SLC30A6: variants seen among roughly 807,000 people sequenced by gnomAD.
SLC30A6 encodes the protein zinc transporter 6.
SLC30A6 carries 55 observed loss-of-function variants against 63.0 expected under a neutral mutation model. The observed-to-expected ratio is 0.87, with a 90% CI of 0.70 to 1.09. The LOEUF is 1.09. Among genes scored for constraint, SLC30A6 ranks in the 50% least tolerant of loss-of-function variants. The probability of loss-of-function intolerance (pLI) is 0.00; values close to 1 mark genes in which losing one functional copy is unlikely to be tolerated. For synonymous variants in SLC30A6, 224 were observed against 186.1 expected, an observed-to-expected ratio of 1.20 and a Z score of -1.66; for missense variants, 587 against 549.2, an observed-to-expected ratio of 1.07 and a Z score of -0.69.
intron 4 of SLC30A6, among the ~76,000 whole-genome samples, chr2:32,178,711 A>G (rs1035306735): frequency 2.0e-5 from 3 of 152,162 alleles, no homozygotes; most frequent in Admixed American, 6.6e-5. Flanking sequence ...ACACCAGTTC[A>G]CTGTAACTGT....
chr2:32,219,693 C>T (rs1042815406), intron 13 of SLC30A6, among the ~76,000 whole-genome samples: 2 of 152,180 alleles, frequency 1.3e-5, no homozygotes, highest in African/African-American at 2.4e-5. Flanking sequence ...ACCTCGGCCT[C>T]CCAAAGTGCT....
intron 12 of SLC30A6, among the ~76,000 whole-genome samples, chr2:32,207,149 GA>G (rs1380743733): frequency 6.6e-6 from 1 of 152,074 alleles, no homozygotes; most frequent in Non-Finnish European, 1.5e-5. Context: ...AGTGAATGTG[GA>G]AGGTAATGGC....
intron 1 of SLC30A6, 83 bp downstream of exon 1, chr2:32,165,986 T>G: frequency 6.3e-7 from 1 of 1,597,890 alleles, no homozygotes; most frequent in African/African-American, 1.3e-5. Context: ...TTGAAATCCC[T>G]CAGCCACCCA....
rs542867916 is a variant in SLC30A6, at chr2:32,191,211, T to C, written c.285-1125T>C. On this transcript the variant is annotated intron_variant, in intron 5 of 13. Transcript: ENST00000282587. ...AAATAACATTGGTGCATTTGCATAC[T>C]GTTTTTTCCTGTTCTTTTTTATTTT... Among the ~76,000 whole-genome samples the C allele has an allele frequency of 1.3e-4, 20 of 152,368 alleles. No homozygotes were observed. In the South Asian group the frequency reaches 4.1e-3, roughly 32 times the overall value.
chr2:32,219,670 A>G (rs989248768), intron 13 of SLC30A6, among the ~76,000 whole-genome samples: 13 of 151,272 alleles, frequency 8.6e-5, no homozygotes, highest in African/African-American at 3.2e-4. Context: ...TCCTGACCTC[A>G]GGTAATCCAC....
intron 1 of SLC30A6, among the ~76,000 whole-genome samples, chr2:32,169,642 G>T (rs986368293): frequency 6.6e-6 from 1 of 152,178 alleles, no homozygotes; most frequent in African/African-American, 2.4e-5. Context: ...AGCCGGGCGT[G>T]GTGGTGGGTA....
At chr2:32,213,983 A>G (rs563129786) in intron 13 of SLC30A6, among the ~76,000 whole-genome samples, 116 of 152,068 alleles carry the variant, frequency 7.6e-4, no homozygotes, top group African/African-American at 2.6e-3. Flanking sequence ...TGATGTGTAG[A>G]TTCATCTCAC....
chr2:32,176,383 G>A (rs1681740286), intron 4 of SLC30A6, among the ~76,000 whole-genome samples: 1 of 152,090 alleles, frequency 6.6e-6, no homozygotes, highest in African/African-American at 2.4e-5. Context: ...ATTTGGCCAG[G>A]CTTAGTGGCT....
At chr2:32,181,148 T>C (rs968895526) in intron 4 of SLC30A6, among the ~76,000 whole-genome samples, 1 of 152,226 alleles carries the variant, frequency 6.6e-6, no homozygotes, top group African/African-American at 2.4e-5. Flanking sequence ...GAAATTAAAA[T>C]GATTTACACA....
chr2:32,196,412 C>A (rs1424979413), intron 8 of SLC30A6, among the ~76,000 whole-genome samples: 1 of 152,090 alleles, frequency 6.6e-6, no homozygotes, highest in African/African-American at 2.4e-5. Context: ...CTGCTAAATA[C>A]TTTACATAGA....
In SLC30A6 at chr2:32,204,606, G is replaced by T; in HGVS notation, c.682G>T (p.Asp228Tyr). The change falls in exon 11 of 14, where the codon GAC becomes TAC. Residue 228 changes from aspartate (D) to tyrosine (Y), a missense_variant. Coordinates refer to ENST00000282587, the MANE Select transcript of SLC30A6 (RefSeq NM_017964.5). ...TCCTTTTAGTAATTATTTTGCCGTA[G>T]ACACTGCCTCTGCTATAGCTATTGC... is the stretch of plus-strand genomic sequence containing the variant. ...LIEINNYFAV[D>Y]TASAIAIALM... 2 of 1,610,602 alleles carry T rather than the reference G, an allele frequency of 1.2e-6. No homozygotes were observed. Among genetic ancestry groups the T allele is most frequent in the South Asian group, 1.1e-5 (1 of 90,982 alleles).
At chr2:32,200,041 G>C (rs1020597866) in intron 10 of SLC30A6, among the ~76,000 whole-genome samples, 14 of 151,696 alleles carry the variant, frequency 9.2e-5, no homozygotes, top group Non-Finnish European at 1.9e-4. Flanking sequence ...CTTGAACCCA[G>C]GAAGTGGAGG....
At chr2:32,213,596 G>T (rs1379182673) in intron 13 of SLC30A6, among the ~76,000 whole-genome samples, 3 of 151,948 alleles carry the variant, frequency 2.0e-5, no homozygotes, top group Admixed American at 1.3e-4. Context: ...AGGGTACTAG[G>T]TTACTTTCTT....
At chr2:32,200,367 T>A (rs1279875848) in intron 10 of SLC30A6, among the ~76,000 whole-genome samples, 1 of 151,792 alleles carries the variant, frequency 6.6e-6, no homozygotes, top group Non-Finnish European at 1.5e-5. Context: ...CAACAGCTCA[T>A]TGAGAACGGG....
rs72863960 is a variant in SLC30A6 at position 32,201,229 on chromosome 2, C to T, written c.666-3361C>T. ...GTCTCATTCACATTTCTATTTCTAG[C>T]ATGTGGGGAAAAGTAGAAAAGAGTG... On this transcript the variant is annotated intron_variant, in intron 10 of 13. Coordinates refer to ENST00000282587, the MANE Select transcript of SLC30A6 (RefSeq NM_017964.5). 9.8e-3 allele frequency among the ~76,000 whole-genome samples: 1,495 copies of T among 152,202 alleles called. 33 individuals are homozygous for T. The highest frequency in any genetic ancestry group is 0.034 in the African/African-American group (1,393 of 41,512).
At chr2:32,218,284 A>G (rs188549848) in intron 13 of SLC30A6, among the ~76,000 whole-genome samples, 1 of 152,124 alleles carries the variant, frequency 6.6e-6, no homozygotes, top group East Asian at 1.9e-4. Flanking sequence ...CAAAACCAAA[A>G]AAACCCATAA....
Position 32,223,654 on chromosome 2 carries a change from G to A in SLC30A6, c.*2941G>A, listed in dbSNP as rs1573458484. ...CCAACACCCAAGCCATTAATTTGAG[G>A]TGCCATGAGAATAGGTGAACCACAG... On this transcript the variant is annotated 3_prime_UTR_variant, in exon 14 of 14. Coordinates refer to ENST00000282587, the MANE Select transcript of SLC30A6 (RefSeq NM_017964.5). The A allele has an allele frequency of 6.6e-6, 1 of 152,186 alleles. No homozygotes were observed. Among genetic ancestry groups the A allele is most frequent in the African/African-American group, 2.4e-5 (1 of 41,444 alleles). 9.4% of individuals were successfully genotyped at this position (152,186 alleles called of 1,614,324 possible).
Position 32,220,469 on chromosome 2 carries a change from G to C in SLC30A6, c.1142G>C (p.Ser381Thr). Residue 381 changes from serine to threonine, a missense_variant, in exon 14 of 14, where the codon AGT (serine) becomes ACT (threonine). Ser to Thr is a moderately conservative substitution (Grantham distance 58). Transcript: ENST00000282587. ...NPVTSTPAKP[S>T]SPPPEFSFNT... is the part of the protein sequence containing the mutation. ...GTTACATCAACTCCAGCTAAACCTA[G>C]TAGTCCACCTCCAGAATTTTCATTT... 2 of 1,614,208 alleles carry C rather than the reference G, an allele frequency of 1.2e-6. No homozygotes were observed. Among genetic ancestry groups the C allele is most frequent in the Non-Finnish European group, 8.5e-7 (1 of 1,180,038 alleles).
chr2:32,180,690 G>C (rs1412296666), intron 4 of SLC30A6, among the ~76,000 whole-genome samples: 2 of 152,124 alleles, frequency 1.3e-5, no homozygotes, highest in African/African-American at 2.4e-5. Flanking sequence ...GCCTCAGCCT[G>C]CCAAAGTGCT....
Sources: gnomAD v4.1 joint callset for allele counts (sites outside exome capture counted in the v4.1 genomes callset) on GRCh38, gnomAD v4.1.1 for gene constraint, MANE v1.5 for transcripts, NCBI Gene and HGNC (gene_info 2026-07-23, HGNC 2026-07-21) for gene names.